The following DBT variants were observed in gnomAD, a reference collection of about 807,000 sequenced individuals.
DBT encodes the protein dihydrolipoamide branched chain transacylase E2.
A neutral mutation model predicts 51.3 loss-of-function variants in DBT; 40 were observed. The ratio of observed to expected loss-of-function variants is 0.78; its 90% CI spans 0.61 to 1.02. DBT has a LOEUF of 1.02. Ranked by LOEUF, DBT falls within the 50% of genes least tolerant of loss-of-function variation. DBT has a pLI of 0.00. For synonymous variants in DBT, 181 were observed against 190.4 expected, an observed-to-expected ratio of 0.95 and a Z score of 0.41; for missense variants, 510 against 580.2, an observed-to-expected ratio of 0.88 and a Z score of 1.24.
chr1:100,188,836 T>G lies in DBT; in HGVS notation c.*7419A>C, dbSNP rs968986697. On this transcript the variant is annotated 3_prime_UTR_variant, in exon 11 of 11. Transcript: ENST00000370132. ...TTCTGTGGCTCTCCTCTGGACTCTCTCCAAATTCTCCTGCTCAGTTTTAGC... is the reference window on the plus strand; with the variant it reads ...TTCTGTGGCTCTCCTCTGGACTCTCGCCAAATTCTCCTGCTCAGTTTTAGC... 4 of 152,360 alleles carry G rather than the reference T, an allele frequency of 2.6e-5. No homozygotes were observed. The highest frequency in any genetic ancestry group is 4.8e-5 in the African/African-American group (2 of 41,458). 9.4% of individuals were successfully genotyped at this position (152,360 alleles called of 1,614,324 possible). A position where few individuals can be genotyped will look rare whatever the true frequency, so the allele number is the denominator to read the frequency against.
At chr1:100,205,634 T>C (rs1323545872) in intron 10 of DBT, among the ~76,000 whole-genome samples, 1 of 152,160 alleles carries the variant, frequency 6.6e-6, no homozygotes, top group Non-Finnish European at 1.5e-5. Context: ...CATGCTACTA[T>C]AAAGACACAT....
intron 5 of DBT, among the ~76,000 whole-genome samples, chr1:100,217,612 A>AT (rs1415267862): frequency 2.0e-5 from 3 of 152,248 alleles, no homozygotes; most frequent in African/African-American, 7.2e-5. Flanking sequence ...ATAAACTTTT[A>AT]TTTTTTTCCC....
rs1213170042 is a variant in DBT, at chr1:100,192,097, C to T, written c.*4158G>A. ...TATAGGCATGAGCCACTGTGTCCGG[C>T]CTCTCTTGGTGATTTTGACTGGAAA... On this transcript the variant is annotated 3_prime_UTR_variant, in exon 11 of 11. Transcript: ENST00000370132. The T allele has an allele frequency of 6.6e-6, 1 of 152,202 alleles. No individual in the cohort carries two copies. The highest frequency in any genetic ancestry group is 2.4e-5 in the African/African-American group (1 of 41,432). The allele number at this position is 152,202 out of a possible 1,614,324, so 9.4% of individuals were successfully genotyped here.
chr1:100,195,994 C>T lies in DBT; in HGVS notation c.*261G>A. On this transcript the variant is annotated 3_prime_UTR_variant, in exon 11 of 11. Transcript: ENST00000370132. ...TTTGTTAATCTTGCCAGTTTCAAGC[C>T]ATTGACACAAAAACATCAGCACCAT... 4.1e-6 allele frequency: 2 copies of T among 491,948 alleles called. No homozygotes were observed. Among genetic ancestry groups the T allele is most frequent in the Non-Finnish European group, 7.3e-6 (2 of 272,552 alleles). 30.5% of individuals were successfully genotyped at this position (491,948 alleles called of 1,614,324 possible).
intron 4 of DBT, among the ~76,000 whole-genome samples, chr1:100,220,631 T>A (rs1033572631): frequency 3.9e-5 from 6 of 152,366 alleles, no homozygotes; most frequent in African/African-American, 1.2e-4. Flanking sequence ...ATGCAGTATC[T>A]TACTTTTCAT....
intron 8 of DBT, among the ~76,000 whole-genome samples, chr1:100,209,995 CTTAAA>C (rs1456232250): frequency 2.0e-5 from 3 of 152,194 alleles, no homozygotes; most frequent in East Asian, 1.9e-4. Flanking sequence ...ATTTTTCTCA[CTTAAA>C]TTATTCTTAA....
intron 3 of DBT, among the ~76,000 whole-genome samples, chr1:100,231,319 C>T (rs1242719258): frequency 1.3e-5 from 2 of 152,176 alleles, no homozygotes; most frequent in African/African-American, 4.8e-5. Flanking sequence ...GTCCTCAATA[C>T]ATATCCTTTG....
intron 10 of DBT, among the ~76,000 whole-genome samples, chr1:100,203,359 A>G (rs1433303983): frequency 1.3e-5 from 2 of 152,244 alleles, no homozygotes; most frequent in African/African-American, 2.4e-5. Context: ...GAAGAAATGG[A>G]TAAATTGCTG....
intron 4 of DBT, among the ~76,000 whole-genome samples, chr1:100,221,513 A>G (rs981751340): frequency 3.3e-5 from 5 of 152,128 alleles, no homozygotes; most frequent in East Asian, 3.8e-4. Flanking sequence ...AGATTTCTCA[A>G]TGTTACCAAT....
chr1:100,236,218 C>G (rs376284455), intron 2 of DBT, among the ~76,000 whole-genome samples: 2 of 152,168 alleles, frequency 1.3e-5, no homozygotes, highest in African/African-American at 4.8e-5. Context: ...CTCCCTCCAT[C>G]TCCTGAGGAA....
chr1:100,210,337 G>T (rs56208698), intron 8 of DBT, among the ~76,000 whole-genome samples: 111,698 of 146,494 alleles, frequency 0.76, 44,436 homozygotes, highest in East Asian at 0.93. Flanking sequence ...AGAAGAAGAA[G>T]AAGAAGAAGA....
intron 4 of DBT, among the ~76,000 whole-genome samples, chr1:100,228,952 TTTG>T (rs1476290538): frequency 1.3e-5 from 2 of 152,220 alleles, no homozygotes; most frequent in South Asian, 2.1e-4. Flanking sequence ...CATTAGGGTT[TTTG>T]TTGTTGTTTT....
At chr1:100,240,112 G>C (rs558071724) in intron 2 of DBT, among the ~76,000 whole-genome samples, 79 of 152,252 alleles carry the variant, frequency 5.2e-4, no homozygotes, top group African/African-American at 1.9e-3. Context: ...AAAAGCTGGG[G>C]AAAAAGTAAG....
Position 100,206,268 on chromosome 1 carries a change from G to T in DBT, c.1243C>A (p.Pro415Thr). The change falls in exon 10 of 11, where the codon CCA becomes ACA. Residue 415 changes from proline to threonine, a missense_variant. Transcript: ENST00000370132. ...GGTFAKPVIM[P>T]PEVAIGALGS... ...AGGGCCCCAATGGCTACTTCAGGTGGCATTATCACTGGTTTGGCAAAGGTA... is the reference window on the plus strand; with the variant it reads ...AGGGCCCCAATGGCTACTTCAGGTGTCATTATCACTGGTTTGGCAAAGGTA... The T allele has an allele frequency of 6.2e-7, 1 of 1,612,448 alleles. No individual in the cohort carries two copies. The highest frequency in any genetic ancestry group is 8.5e-7 in the Non-Finnish European group (1 of 1,179,352).
intron 4 of DBT, among the ~76,000 whole-genome samples, chr1:100,226,690 A>G (rs1663237589): frequency 6.6e-6 from 1 of 152,180 alleles, no homozygotes; most frequent in Non-Finnish European, 1.5e-5. Flanking sequence ...AAGGAACAAG[A>G]GCCCCTGAAG....
chr1:100,227,386 G>A (rs1663283821), intron 4 of DBT, among the ~76,000 whole-genome samples: 1 of 152,098 alleles, frequency 6.6e-6, no homozygotes, highest in South Asian at 2.1e-4. Flanking sequence ...AGTAAGAACT[G>A]TATTTCATAC....
intron 5 of DBT, among the ~76,000 whole-genome samples, chr1:100,217,756 G>A (rs2100802552): frequency 6.7e-6 from 1 of 150,260 alleles, no homozygotes. Flanking sequence ...TTTTAGATAA[G>A]TTAATCAACC....
At chr1:100,230,242 C>A (rs1322835679) in intron 4 of DBT, among the ~76,000 whole-genome samples, 1 of 152,162 alleles carries the variant, frequency 6.6e-6, no homozygotes, top group East Asian at 1.9e-4. Context: ...TTTAACATGG[C>A]AACTGGCCAA....
intron 8 of DBT, among the ~76,000 whole-genome samples, chr1:100,206,952 G>T (rs1661826708): frequency 6.6e-6 from 1 of 151,984 alleles, no homozygotes; most frequent in Non-Finnish European, 1.5e-5. Context: ...GGTGGCACAG[G>T]CCTGTGATCC....
Sources: gnomAD v4.1 joint callset for allele counts (sites outside exome capture counted in the v4.1 genomes callset) on GRCh38, gnomAD v4.1.1 for gene constraint, MANE v1.5 for transcripts, NCBI Gene and HGNC (gene_info 2026-07-23, HGNC 2026-07-21) for gene names.